Variants in TRIM69 observed in about 807,000 individuals in gnomAD.
TRIM69 encodes the protein tripartite motif containing 69.
A neutral mutation model predicts 37.7 loss-of-function variants in TRIM69; 29 were observed. The ratio of observed to expected loss-of-function variants is 0.77; its 90% confidence interval spans 0.57 to 1.05. The LOEUF (loss-of-function observed/expected upper bound fraction) is 1.05, where lower values mean the gene tolerates loss of function less well. Among genes scored for constraint, TRIM69 ranks in the 50% least tolerant of loss-of-function variants. TRIM69 has a pLI of 0.00. For synonymous variants in TRIM69, 209 were observed against 212.4 expected, an observed-to-expected ratio of 0.98 and a Z score of 0.14; for missense variants, 596 against 579.9, an observed-to-expected ratio of 1.03 and a Z score of -0.28.
intron 1 of TRIM69, among the ~76,000 whole-genome samples, chr15:44,752,143 A>T (rs546943795): frequency 1.3e-5 from 2 of 151,984 alleles, no homozygotes; most frequent in Admixed American, 1.3e-4. Context: ...GTGTTGTTTA[A>T]TTTTCACATA....
Position 44,758,762 on chromosome 15 carries a change from A to T in TRIM69, c.721A>T (p.Ser241Cys). 2 of 1,614,180 alleles carry T rather than the reference A, an allele frequency of 1.2e-6. No individual in the cohort carries two copies. The highest frequency in any genetic ancestry group is 1.1e-5 in the South Asian group (1 of 91,078). Residue 241 changes from serine (S) to cysteine (C), a missense_variant, in exon 4 of 7, where the codon AGC becomes TGC. Ser to Cys is a moderately radical substitution (Grantham distance 112, BLOSUM62 -1). Coordinates refer to ENST00000329464, the MANE Select transcript of TRIM69 (RefSeq NM_182985.5). ...ALNEEMELNL[S>C]QLQEQCLLAK... ...GAATGAGGAGATGGAGTTGAATCTG[A>T]GCCAGCTTCAGGAGCAATGTCTCTT...
chr15:44,766,476 G>T (rs1425033461), intron 6 of TRIM69, among the ~76,000 whole-genome samples: 1 of 152,066 alleles, frequency 6.6e-6, no homozygotes, highest in Non-Finnish European at 1.5e-5. Context: ...TTCCACACAG[G>T]GGACTGTTTT....
In TRIM69 at chr15:44,767,226, A is replaced by T; in HGVS notation, c.962-5A>T. On this transcript the variant is annotated splice_polypyrimidine_tract_variant and splice_region_variant and intron_variant, in intron 6 of 6. Transcript: ENST00000329464. ...ATGCTCTGCTTTCTTTTATTTTCTT[A>T]CTAGGCCTGTCTCCACTAACTCTGG... The T allele has an allele frequency of 6.2e-7, 1 of 1,608,584 alleles. No individual in the cohort carries two copies. Among genetic ancestry groups the T allele is most frequent in the Non-Finnish European group, 8.5e-7 (1 of 1,177,454 alleles).
intron 6 of TRIM69, among the ~76,000 whole-genome samples, chr15:44,763,908 A>G (rs2087832893): frequency 6.6e-6 from 1 of 152,182 alleles, no homozygotes; most frequent in Non-Finnish European, 1.5e-5. Context: ...TGACGTTGAC[A>G]TATTACGACA....
At chr15:44,736,871 T>G (rs2141301825) in intron 1 of TRIM69, among the ~76,000 whole-genome samples, 161 bp downstream of exon 1, 1 of 152,294 alleles carries the variant, frequency 6.6e-6, no homozygotes, top group Non-Finnish European at 1.5e-5. Context: ...CTCCAAGCCT[T>G]GGAATAACTG....
At position 44,751,147 on chromosome 15, in the gene TRIM69, G is replaced by A. The variant is rs144783212; in HGVS notation, c.7-3753G>A. ...TTTTTTTCTTTTTAGATGGAGTCTC[G>A]CTCTGTCGCCCAGGCTGGAGTACAA... On this transcript the variant is annotated intron_variant, in intron 1 of 6. Coordinates refer to ENST00000329464, the MANE Select transcript of TRIM69 (RefSeq NM_182985.5). Among the ~76,000 whole-genome samples the A allele has an allele frequency of 8.7e-3, 1,287 of 147,566 alleles. 17 individuals are homozygous for A. Among genetic ancestry groups the A allele is most frequent in the African/African-American group, 0.027 (1,090 of 40,124 alleles).
rs1336431201 is a variant in TRIM69, at chr15:44,758,663, C to T, written c.622C>T (p.Leu208=). The change falls in exon 4 of 7, where the codon CTA becomes TTA. Residue 208 remains leucine (L), a synonymous_variant. Transcript: ENST00000329464. ...GCAGCAACATGTGTCCATGGAGTTT[C>T]TAAAGCTGCATCAGTTCCTGCACAG... is the stretch of plus-strand genomic sequence containing the variant. ...HLQQHVSMEF[L]KLHQFLHSKE... 1 of 1,614,102 alleles carries T rather than the reference C, an allele frequency of 6.2e-7. No individual in the cohort carries two copies. The highest frequency in any genetic ancestry group is 1.7e-5 in the Admixed American group (1 of 60,014).
Position 44,758,781 on chromosome 15 carries a change from G to C in TRIM69, c.740G>C (p.Cys247Ser). The stretch of plus-strand genomic sequence containing the variant: ...AATCTGAGCCAGCTTCAGGAGCAAT[G>C]TCTCTTAGCCAAGGATATGTTGGTG... ...ELNLSQLQEQ[C>S]LLAKDMLVSI... The change falls in exon 4 of 7, where the codon TGT becomes TCT. Residue 247 changes from cysteine (C) to serine (S), a missense_variant. Physicochemically the swap from Cys to Ser is moderately radical, Grantham distance 112. Transcript: ENST00000329464. 1.2e-6 allele frequency: 2 copies of C among 1,614,142 alleles called. No homozygotes were observed. Among genetic ancestry groups the C allele is most frequent in the Non-Finnish European group, 1.7e-6 (2 of 1,180,006 alleles).
In TRIM69 at chr15:44,755,162, G is replaced by A. The variant is rs772986103; in HGVS notation, c.269G>A (p.Cys90Tyr). The part of the protein sequence containing the change: ...ECKMLCQYNN[C>Y]TFNPVLDKLV... ...AAGATGCTATGTCAGTATAACAACT[G>A]TACATTCAACCCTGTACTGGACAAG... Residue 90 changes from cysteine to tyrosine, a missense_variant, in exon 2 of 7, where the codon TGT becomes TAT. Coordinates refer to ENST00000329464, the MANE Select transcript of TRIM69 (RefSeq NM_182985.5). 1.5e-5 allele frequency: 25 copies of A among 1,614,190 alleles called. No homozygotes were observed. The highest frequency in any genetic ancestry group is 2.0e-5 in the Non-Finnish European group (24 of 1,180,034).
At chr15:44,736,915 A>C (rs2087174648) in intron 1 of TRIM69, among the ~76,000 whole-genome samples, 1 of 152,244 alleles carries the variant, frequency 6.6e-6, no homozygotes, top group Admixed American at 6.5e-5. Context: ...TAGGAAAGTA[A>C]TGAAATCCAC....
chr15:44,747,607 T>C (rs1224417060), intron 1 of TRIM69, among the ~76,000 whole-genome samples: 1 of 152,058 alleles, frequency 6.6e-6, no homozygotes, highest in Non-Finnish European at 1.5e-5. Flanking sequence ...AAAAAGAGGC[T>C]ACAGAGAATG....
intron 3 of TRIM69, 190 bp downstream of exon 3, chr15:44,756,653 C>G: frequency 4.1e-6 from 2 of 486,818 alleles, no homozygotes; most frequent in Non-Finnish European, 7.4e-6. Context: ...AATAGCTGAT[C>G]AACAGAGCAG....
rs2141154794 is a variant in TRIM69 at position 44,767,461 on chromosome 15, T to A, written c.1192T>A (p.Ser398Thr). The part of the protein sequence containing the change: ...TKWTVGVVRE[S>T]IIRKGSCPLT... ...ATGGACAGTTGGAGTTGTCAGAGAA[T>A]CCATCATTCGGAAGGGCAGCTGTCC... Residue 398 changes from serine to threonine, a missense_variant, in exon 7 of 7, where the codon TCC (serine) becomes ACC (threonine). Transcript: ENST00000329464. The A allele has an allele frequency of 6.2e-7, 1 of 1,614,154 alleles. No individual in the cohort carries two copies. The highest frequency in any genetic ancestry group is 8.5e-7 in the Non-Finnish European group (1 of 1,180,034).
intron 1 of TRIM69, among the ~76,000 whole-genome samples, chr15:44,748,860 C>T (rs937213667): frequency 8.8e-5 from 13 of 146,996 alleles, no homozygotes; most frequent in Non-Finnish European, 1.6e-4. Flanking sequence ...ATTCTGGCTC[C>T]GGAGTCAAAT....
chr15:44,748,007 T>C (rs1206422284), intron 1 of TRIM69, among the ~76,000 whole-genome samples: 2 of 152,200 alleles, frequency 1.3e-5, no homozygotes, highest in Non-Finnish European at 1.5e-5. Flanking sequence ...AGTGGATATA[T>C]AGCAGATGGA....
chr15:44,750,077 T>A (rs2087487387), intron 1 of TRIM69, among the ~76,000 whole-genome samples: 1 of 152,238 alleles, frequency 6.6e-6, no homozygotes, highest in Non-Finnish European at 1.5e-5. Flanking sequence ...AATTGGGTTG[T>A]TTATTTTTTG....
rs143367767 is a variant in TRIM69, at chr15:44,736,909, A to C, written c.6+199A>C. Among the ~76,000 whole-genome samples the C allele has an allele frequency of 3.0e-3, 451 of 152,342 alleles. 4 individuals carry two copies. Among genetic ancestry groups the C allele is most frequent in the African/African-American group, 0.01 (433 of 41,592 alleles). ...AATTTATACTAGAGAAGCTGGTAGGAAAGTAATGAAATCCACCAAAACATT... is the reference window on the plus strand; with the variant it reads ...AATTTATACTAGAGAAGCTGGTAGGCAAGTAATGAAATCCACCAAAACATT... On this transcript the variant is annotated intron_variant, in intron 1 of 6. Transcript: ENST00000329464.
At chr15:44,744,690 A>G (rs1459712131) in intron 1 of TRIM69, among the ~76,000 whole-genome samples, 1 of 152,126 alleles carries the variant, frequency 6.6e-6, no homozygotes, top group Non-Finnish European at 1.5e-5. Context: ...GGTTTTAAAG[A>G]CAGCTGACAT....
intron 1 of TRIM69, among the ~76,000 whole-genome samples, chr15:44,741,249 A>T (rs1171257056): frequency 6.6e-6 from 1 of 152,218 alleles, no homozygotes; most frequent in Non-Finnish European, 1.5e-5. Context: ...GCAGAAATAA[A>T]GATGTTCTTT....
Sources: gnomAD v4.1 joint callset for allele counts (sites outside exome capture counted in the v4.1 genomes callset) on GRCh38, gnomAD v4.1.1 for gene constraint, MANE v1.5 for transcripts, NCBI Gene and HGNC (gene_info 2026-07-23, HGNC 2026-07-21) for gene names.